The following CFAP74 variants were observed in gnomAD, a reference collection of about 807,000 sequenced individuals.
CFAP74 encodes cilia- and flagella-associated protein 74.
CFAP74 carries 124 observed loss-of-function variants against 188.9 expected under a neutral mutation model. The observed-to-expected ratio is 0.66, with a 90% CI of 0.57 to 0.76. The LOEUF is 0.76. Ranked by LOEUF, CFAP74 falls within the 30% of genes least tolerant of loss-of-function variation. CFAP74 has a pLI of 0.00. For missense variants in CFAP74, 2,198 were observed against 2,165.2 expected (o/e 1.02, Z -0.30); for synonymous variants, 956 against 916.7 (o/e 1.04, Z -0.77).
intron 6 of CFAP74, among the ~76,000 whole-genome samples, chr1:1,979,398 C>CG: frequency 6.9e-6 from 1 of 145,342 alleles, no homozygotes; most frequent in East Asian, 2.1e-4. Context: ...CGTCACGTGA[C>CG]AAGGCTGTGC....
intron 9 of CFAP74, among the ~76,000 whole-genome samples, chr1:1,971,175 GCA>G (rs1376838949): frequency 2.7e-5 from 4 of 148,938 alleles, no homozygotes; most frequent in Non-Finnish European, 5.9e-5. Context: ...ATGCACACCT[GCA>G]CACACGTGCA....
In CFAP74 at chr1:1,968,852, C is replaced by T. The variant is rs1655671841; in HGVS notation, c.1047-19G>A. 6.2e-7 allele frequency: 1 copy of T among 1,612,038 alleles called. No homozygotes were observed. Among genetic ancestry groups the T allele is most frequent in the South Asian group, 1.1e-5 (1 of 90,972 alleles). On this transcript the variant is annotated intron_variant, in intron 10 of 38. Coordinates refer to ENST00000682832, the MANE Select transcript of CFAP74 (RefSeq NM_001304360.2). This position sits in a 1 kb window ranked among gnomAD's most constrained non-coding sequence, Gnocchi z 4.3. ...AAAGGCCCTGCGTGGAGTCGCTTCT[C>T]AGATGAGTGCAAGAGGTCCCCTGCC...
At chr1:1,961,250 C>A (rs554794577) in intron 14 of CFAP74, among the ~76,000 whole-genome samples, 1 of 152,266 alleles carries the variant, frequency 6.6e-6, no homozygotes, top group African/African-American at 2.4e-5. Context: ...GGAGCTGGGG[C>A]TGAGAAGTTC....
chr1:1,968,522 G>A lies in CFAP74; in HGVS notation c.1245+113C>T. 8.0e-6 allele frequency: 7 copies of A among 870,080 alleles called. No individual in the cohort carries two copies. The highest frequency in any genetic ancestry group is 1.1e-5 in the Non-Finnish European group (6 of 540,252). The allele number at this position is 870,080 out of a possible 1,614,324, so 53.9% of individuals were successfully genotyped here. A position where few individuals can be genotyped will look rare whatever the true frequency, so the allele number is the denominator to read the frequency against. ...TCAGCGGGCTCAGCAACCCCCTGCA[G>A]GTGGCCATGGTGCTGAGGTCCTCAG... On this transcript the variant is annotated intron_variant, in intron 11 of 38. Coordinates refer to ENST00000682832, the MANE Select transcript of CFAP74 (RefSeq NM_001304360.2). The surrounding 1 kb of genome is among the most constrained non-coding windows in gnomAD (Gnocchi z 4.3).
rs1035304919 is a variant in CFAP74 at position 1,942,140 on chromosome 1, G to A, written c.2503C>T (p.Arg835Cys). Reference protein sequence around the residue: ...LVHTRSKAALRLKFEVCKELR... With the variant: ...LVHTRSKAALCLKFEVCKELR... ...TCCTTGCACACCTCGAACTTCAGGC[G>A]CAGGGCAGCTTTCGACCTGTGGGCG... Residue 835 changes from arginine (R) to cysteine (C), a missense_variant, in exon 22 of 39, where the codon CGC (arginine) becomes TGC (cysteine). Arg to Cys is a radical substitution (Grantham distance 180). Coordinates refer to ENST00000682832, the MANE Select transcript of CFAP74 (RefSeq NM_001304360.2). The surrounding 1 kb of genome is among the most constrained non-coding windows in gnomAD (Gnocchi z 4.3). 31 of 1,522,338 alleles carry A rather than the reference G, an allele frequency of 2.0e-5. No individual in the cohort carries two copies. The East Asian group carries it at 3.5e-4, about 17-fold the overall frequency. 94.3% of individuals were successfully genotyped at this position (1,522,338 alleles called of 1,614,324 possible).
rs1400419335 is a variant in CFAP74, at chr1:1,974,213, C to T, written c.501-15G>A. 6.3e-7 allele frequency: 1 copy of T among 1,579,264 alleles called. No individual in the cohort carries two copies. The highest frequency in any genetic ancestry group is 1.1e-5 in the South Asian group (1 of 87,612). On this transcript the variant is annotated splice_polypyrimidine_tract_variant and intron_variant, in intron 6 of 38. Transcript: ENST00000682832. ...ACATGGTGTTCCTTCAAACAAGAGG[C>T]AAAGCAGCTGGAGACGGGCCCCACA...
chr1:1,993,931 G>A (rs900780922), intron 1 of CFAP74, among the ~76,000 whole-genome samples: 71 of 150,534 alleles, frequency 4.7e-4, no homozygotes, highest in East Asian at 7.8e-4. Context: ...GCAGTGAGCC[G>A]AGATCACACC....
At position 1,973,234 on chromosome 1, in the gene CFAP74, G is replaced by A. The variant is rs1469642387; in HGVS notation, c.675-187C>T. Among the ~76,000 whole-genome samples the A allele has an allele frequency of 7.2e-5, 11 of 152,226 alleles. No homozygotes were observed. The highest frequency in any genetic ancestry group is 1.6e-4 in the Non-Finnish European group (11 of 68,028). On this transcript the variant is annotated intron_variant, in intron 7 of 38. Coordinates refer to ENST00000682832, the MANE Select transcript of CFAP74 (RefSeq NM_001304360.2). This position sits in a 1 kb window ranked among gnomAD's most constrained non-coding sequence, Gnocchi z 6.2. Reference sequence around the variant, plus strand: ...AGCTGATGCCGTGGGCCACACAGATGTCAAACTCTCCACGCTACTGGGGCT... The same window carrying A: ...AGCTGATGCCGTGGGCCACACAGATATCAAACTCTCCACGCTACTGGGGCT...
rs1413617828 is a variant in CFAP74 at position 1,926,287 on chromosome 1, G to T, written c.3889C>A (p.Leu1297Met). ...PFVLLNHSSLLRAGGTQVLVL... is the reference protein window; with the variant it reads ...PFVLLNHSSLMRAGGTQVLVL... The stretch of plus-strand genomic sequence containing the variant: ...AGGACCTGGGTCCCACCTGCACGCA[G>T]CAGGCTGGAGTGGTTCAGCAGGACA... Residue 1297 changes from leucine (L) to methionine (M), a missense_variant, in exon 32 of 39, where the codon CTG (leucine) becomes ATG (methionine). Physicochemically the swap from Leu to Met is conservative, Grantham distance 15. Transcript: ENST00000682832. 2 of 1,544,874 alleles carry T rather than the reference G, an allele frequency of 1.3e-6. No individual in the cohort carries two copies. Among genetic ancestry groups the T allele is most frequent in the Non-Finnish European group, 1.7e-6 (2 of 1,143,786 alleles).
intron 25 of CFAP74, among the ~76,000 whole-genome samples, chr1:1,931,432 TA>T (rs34892654): frequency 0.28 from 20,816 of 75,354 alleles, 2,373 homozygotes; most frequent in African/African-American, 0.35. Flanking sequence ...CCCATCTCAA[TA>T]AAAAAAAAAA....
chr1:1,970,782 G>A lies in CFAP74; in HGVS notation c.923C>T (p.Ala308Val). The change falls in exon 10 of 39, where the codon GCC (alanine) becomes GTC (valine). Residue 308 changes from alanine (A) to valine (V), a missense_variant. Coordinates refer to ENST00000682832, the MANE Select transcript of CFAP74 (RefSeq NM_001304360.2). ...TLRKFQAWDR[A>V]KAELAEQRVQ... ...CCTCTGCTCCGCCAGCTCTGCCTTG[G>A]CACGGTCCCATGCTTGGAACTTCCG... 3 of 1,614,156 alleles carry A rather than the reference G, an allele frequency of 1.9e-6. No individual in the cohort carries two copies. The highest frequency in any genetic ancestry group is 1.7e-6 in the Non-Finnish European group (2 of 1,180,004).
intron 32 of CFAP74, 115 bp from the exon 33 acceptor site, chr1:1,926,053 T>C: frequency 7.1e-7 from 1 of 1,399,370 alleles, no homozygotes; most frequent in Non-Finnish European, 9.5e-7. Flanking sequence ...CTGGGGGGGC[T>C]CTGTCAGCTC....
intron 20 of CFAP74, 60 bp downstream of exon 20, chr1:1,946,257 C>T (rs1653768451): frequency 1.2e-5 from 18 of 1,475,298 alleles, no homozygotes; most frequent in Non-Finnish European, 1.5e-5. Flanking sequence ...GCAGCTGCCA[C>T]ATGAGGCTGT....
intron 23 of CFAP74, among the ~76,000 whole-genome samples, 154 bp from the exon 24 acceptor site, chr1:1,939,921 CTG>C (rs1376811099): frequency 2.0e-5 from 3 of 152,258 alleles, no homozygotes; most frequent in African/African-American, 4.8e-5. Context: ...ACCCACTTCC[CTG>C]TGACTGCTCC....
chr1:1,962,476 CAAAA>C (rs556157241), intron 14 of CFAP74, among the ~76,000 whole-genome samples: 1 of 69,374 alleles, frequency 1.4e-5, no homozygotes. Context: ...AACTCCATCT[CAAAA>C]AAAAAAAAAA....
In CFAP74 at chr1:1,987,416, C is replaced by A. The variant is rs185793240; in HGVS notation, c.297-381G>T. Reference sequence around the variant, plus strand: ...CCTCCACCATCTTCCAGAGAGCGGGCCAGGCAGGCCCAGGTCACCAGTGGG... The same window carrying A: ...CCTCCACCATCTTCCAGAGAGCGGGACAGGCAGGCCCAGGTCACCAGTGGG... On this transcript the variant is annotated intron_variant, in intron 4 of 38. Transcript: ENST00000682832. Among the ~76,000 whole-genome samples, 440 of 152,290 alleles carry A rather than the reference C, an allele frequency of 2.9e-3. 2 individuals carry two copies. The highest frequency in any genetic ancestry group is 9.9e-3 in the African/African-American group (412 of 41,568).
chr1:1,927,145 G>T, intron 28 of CFAP74, 117 bp from the exon 29 acceptor site: 2 of 1,230,138 alleles, frequency 1.6e-6, no homozygotes, highest in South Asian at 1.5e-5. Context: ...AGCTGTGGCT[G>T]TCCCAGTTGT....
intron 17 of CFAP74, 55 bp downstream of exon 17, chr1:1,956,565 A>G: frequency 1.9e-6 from 3 of 1,604,232 alleles, no homozygotes; most frequent in Non-Finnish European, 2.6e-6. Flanking sequence ...CCCACATGGG[A>G]CTGGATTTGG....
Position 1,968,918 on chromosome 1 carries a change from C to CCCAGGAGGGCG in CFAP74, c.1047-86_1047-85insCGCCCTCCTGG. 1 of 1,283,836 alleles carries CCCAGGAGGGCG rather than the reference C, an allele frequency of 7.8e-7. No homozygotes were observed. Among genetic ancestry groups the CCCAGGAGGGCG allele is most frequent in the Non-Finnish European group, 1.1e-6 (1 of 912,740 alleles). The allele number at this position is 1,283,836 out of a possible 1,614,324, so 79.5% of individuals were successfully genotyped here. ...ATGAGACAGTGCCCGGCGGCCCCTC[C>CCCAGGAGGGCG]CTAGCGCCCTCCTGGGGGCTCCGGT... On this transcript the variant is annotated intron_variant, in intron 10 of 38. Transcript: ENST00000682832. The surrounding 1 kb of genome is among the most constrained non-coding windows in gnomAD (Gnocchi z 4.3).
Sources: gnomAD v4.1 joint callset for allele counts (sites outside exome capture counted in the v4.1 genomes callset) on GRCh38, gnomAD v4.1.1 for gene constraint, Gnocchi (gnomAD v3.1) non-coding constraint, MANE v1.5 for transcripts, NCBI Gene and HGNC (gene_info 2026-07-23, HGNC 2026-07-21) for gene names.